The following VPS37A variants were observed in gnomAD, a reference collection of about 807,000 sequenced individuals.
The protein encoded by VPS37A is vacuolar protein sorting-associated protein 37A.
A neutral mutation model predicts 49.8 loss-of-function variants in VPS37A; 30 were observed. The ratio of observed to expected loss-of-function variants is 0.60; its 90% confidence interval spans 0.45 to 0.82. The LOEUF is 0.82. VPS37A is among the 40% of genes least tolerant of loss of function. VPS37A has a pLI of 0.00. For missense variants in VPS37A, 593 were observed against 464.4 expected, an observed-to-expected ratio of 1.28 and a Z score of -2.55; for synonymous variants, 195 against 160.6, an observed-to-expected ratio of 1.21 and a Z score of -1.62.
chr8:17,315,738 A>AC, the VPS37A span, among the ~76,000 whole-genome samples: 1 of 152,240 alleles, frequency 6.6e-6, no homozygotes. Context: ...AAGGCTGGGC[A>AC]CAGTGCCTCA....
intron 9 of VPS37A, among the ~76,000 whole-genome samples, 170 bp from the exon 10 acceptor site, chr8:17,284,303 C>T (rs1815381953): frequency 6.6e-6 from 1 of 152,170 alleles, no homozygotes; most frequent in Non-Finnish European, 1.5e-5. Flanking sequence ...TACCCCTATC[C>T]AAAAGCTAAG....
chr8:17,266,002 C>T, intron 2 of VPS37A, 21 bp downstream of exon 2: 1 of 1,591,246 alleles, frequency 6.3e-7, no homozygotes, highest in South Asian at 1.1e-5. Flanking sequence ...TTGTATCCTA[C>T]TTTTTCATGT....
intron 11 of VPS37A, among the ~76,000 whole-genome samples, 154 bp from the exon 12 acceptor site, chr8:17,294,833 G>C (rs1816497319): frequency 6.6e-6 from 1 of 152,200 alleles, no homozygotes; most frequent in African/African-American, 2.4e-5. Context: ...TGCCTTCTCT[G>C]TTGGTCTCCC....
the VPS37A span, among the ~76,000 whole-genome samples, chr8:17,307,692 A>C: frequency 6.6e-6 from 1 of 152,232 alleles, no homozygotes; most frequent in South Asian, 2.1e-4. Flanking sequence ...TACACCATGG[A>C]ATATTATGCA....
chr8:17,267,025 C>T (rs1813529719), intron 2 of VPS37A, among the ~76,000 whole-genome samples: 1 of 152,144 alleles, frequency 6.6e-6, no homozygotes, highest in Admixed American at 6.5e-5. Context: ...CCCGCCTCGG[C>T]CTCCCAAAGT....
At chr8:17,273,017 CCCTT>C (rs1342489055) in intron 4 of VPS37A, among the ~76,000 whole-genome samples, 16 of 128,528 alleles carry the variant, frequency 1.2e-4, no homozygotes, top group Non-Finnish European at 2.4e-4. Flanking sequence ...GCATATTTTG[CCCTT>C]CCTTTTTTTT....
chr8:17,311,921 C>T, the VPS37A span: 1 of 296,710 alleles, frequency 3.4e-6, no homozygotes, highest in Non-Finnish European at 6.3e-6. Context: ...TGCAAACGGA[C>T]CTTCAACCCT....
In VPS37A at chr8:17,256,397, G is replaced by A. The variant is rs183361525; in HGVS notation, c.125+9028G>A. Among the ~76,000 whole-genome samples, 122 of 138,978 alleles carry A rather than the reference G, an allele frequency of 8.8e-4. 1 individual carries two copies. The highest frequency in any genetic ancestry group is 8.1e-3 in the Middle Eastern group (2 of 246). 91.2% of individuals were successfully genotyped at this position (138,978 alleles called of 152,430 possible). ...AAGGAGTCCCACTTCAGTCTTGCAC[G>A]TAACTGGGTTTACAGGCGCACACCA... On this transcript the variant is annotated intron_variant, in intron 1 of 11. Coordinates refer to ENST00000324849, the MANE Select transcript of VPS37A (RefSeq NM_152415.3).
At chr8:17,276,363 C>A (rs373986816) in intron 5 of VPS37A, 34 bp from the exon 6 acceptor site, 309 of 1,573,272 alleles carry the variant, frequency 2.0e-4, no homozygotes, top group Non-Finnish European at 2.6e-4. Flanking sequence ...AAAATAATGG[C>A]TGAAATTTAA....
At chr8:17,328,722 T>A in the VPS37A span, among the ~76,000 whole-genome samples, 1 of 151,878 alleles carries the variant, frequency 6.6e-6, no homozygotes, top group Non-Finnish European at 1.5e-5. Flanking sequence ...AAATTTTAAA[T>A]AAAAAAAGAA....
chr8:17,302,205 T>C, downstream of VPS37A: 2 of 1,614,148 alleles, frequency 1.2e-6, no homozygotes, highest in Non-Finnish European at 1.7e-6. Context: ...CTTCCTTCAC[T>C]GCCATTAGGT....
At chr8:17,313,537 TA>T in the VPS37A span, 1 of 562,304 alleles carries the variant, frequency 1.8e-6, no homozygotes, top group Non-Finnish European at 3.1e-6. Context: ...TAAGTCAAAA[TA>T]AATACCCACG....
chr8:17,265,999 C>T lies in VPS37A; in HGVS notation c.200+18C>T, dbSNP rs777196327. ...ATTAATATGTGAGTAGAATTGTATC[C>T]TACTTTTTCATGTAAAAGGACTTAA... On this transcript the variant is annotated intron_variant, in intron 2 of 11. Coordinates refer to ENST00000324849, the MANE Select transcript of VPS37A (RefSeq NM_152415.3). 6.3e-7 allele frequency: 1 copy of T among 1,595,624 alleles called. No homozygotes were observed. Among genetic ancestry groups the T allele is most frequent in the Admixed American group, 1.7e-5 (1 of 57,394 alleles).
chr8:17,298,901 A>G (rs188274439), downstream of VPS37A: 1 of 152,236 alleles, frequency 6.6e-6, no homozygotes, highest in Non-Finnish European at 1.5e-5. Context: ...CCAGTTACAT[A>G]ATTTCTAAAA....
the VPS37A span, chr8:17,311,534 A>G: frequency 1.6e-5 from 26 of 1,614,166 alleles, no homozygotes; most frequent in African/African-American, 2.7e-4. Context: ...AGAGTCCGGT[A>G]GTGAGGGTCC....
At chr8:17,302,807 G>A (rs1439438733), downstream of VPS37A, among the ~76,000 whole-genome samples, 2 of 141,508 alleles carry the variant, frequency 1.4e-5, no homozygotes, top group Non-Finnish European at 1.5e-5. Flanking sequence ...CCACCTCCCG[G>A]GTTCAAGCGA....
At chr8:17,324,844 C>A in the VPS37A span, among the ~76,000 whole-genome samples, 3 of 152,098 alleles carry the variant, frequency 2.0e-5, no homozygotes, top group Non-Finnish European at 4.4e-5. Flanking sequence ...CCTCCAATAG[C>A]TAAGTAATCT....
Position 17,284,537 on chromosome 8 carries a change from C to A in VPS37A, c.1034C>A (p.Ser345Tyr). The A allele has an allele frequency of 6.3e-7, 1 of 1,599,714 alleles. No individual in the cohort carries two copies. The highest frequency in any genetic ancestry group is 8.5e-7 in the Non-Finnish European group (1 of 1,175,190). The change falls in exon 10 of 12, where the codon TCT becomes TAT. Residue 345 changes from serine to tyrosine, a missense_variant. Coordinates refer to ENST00000324849, the MANE Select transcript of VPS37A (RefSeq NM_152415.3). ...GCTGCACATGAAGCTGAGGAAGAAT[C>A]TGATAATATTGCAGAAGACTTCTTG... ...KVAAHEAEEE[S>Y]DNIAEDFLEG...
At chr8:17,288,879 CTGT>C (rs1350545848) in intron 11 of VPS37A, among the ~76,000 whole-genome samples, 7 of 152,192 alleles carry the variant, frequency 4.6e-5, no homozygotes, top group Non-Finnish European at 1.0e-4. Flanking sequence ...TCTCCAGCAT[CTGT>C]TGTTTCCTAA....
Sources: allele counts gnomAD v4.1 joint callset (sites outside exome capture counted in the v4.1 genomes callset), GRCh38; gene constraint gnomAD v4.1.1; transcripts MANE v1.5; gene names NCBI Gene and HGNC (gene_info 2026-07-23, HGNC 2026-07-21).